The following SNRPN variants were observed in gnomAD, a reference collection of about 807,000 sequenced individuals.
SNRPN encodes small nuclear ribonucleoprotein-associated protein N.
In SNRPN, 7 loss-of-function variants were observed where a neutral mutation model predicts 25.2. The observed-to-expected ratio is 0.28, with a 90% CI of 0.16 to 0.52. The LOEUF is 0.52. SNRPN is among the 20% of genes least tolerant of loss of function. The pLI, the probability that SNRPN is intolerant of heterozygous loss-of-function variation, is 0.96. For missense variants in SNRPN, 196 were observed against 322.5 expected, an observed-to-expected ratio of 0.61 and a Z score of 3.00; for synonymous variants, 124 against 110.6, an observed-to-expected ratio of 1.12 and a Z score of -0.76.
chr15:24,962,707 C>A (rs1246112191), intron 2 of SNRPN, among the ~76,000 whole-genome samples: 1 of 152,098 alleles, frequency 6.6e-6, no homozygotes, highest in African/African-American at 2.4e-5. Flanking sequence ...CAGACACACT[C>A]AGACACATAT....
At chr15:24,881,421 C>G (rs1032377966) in intron 1 of SNRPN, among the ~76,000 whole-genome samples, 1 of 151,156 alleles carries the variant, frequency 6.6e-6, no homozygotes, top group Admixed American at 6.6e-5. Context: ...ATCCCAGCTA[C>G]TTGGGAGGCT....
upstream of SNRPN, chr15:24,851,814 C>G (rs1003752486): frequency 6.6e-6 from 1 of 152,194 alleles, no homozygotes; most frequent in East Asian, 1.9e-4. Flanking sequence ...CCCTCCAGAT[C>G]CAGTACGGGC....
rs373329610 is a variant in SNRPN at position 24,900,638 on chromosome 15, C to A, written c.-505+14049C>A. The stretch of plus-strand genomic sequence containing the variant: ...GCAACCTATTCCTAAGGGATAGGTA[C>A]ACACTATGACCTGTAGGAAACAGCT... On this transcript the variant is annotated intron_variant, in intron 2 of 11. Transcript: ENST00000400097. Among the ~76,000 whole-genome samples the A allele has an allele frequency of 9.9e-5, 15 of 152,262 alleles. No homozygotes were observed. The East Asian group carries it at 1.2e-3, about 12-fold the overall frequency.
chr15:24,896,402 A>G (rs775616010), intron 2 of SNRPN, among the ~76,000 whole-genome samples: 1 of 152,202 alleles, frequency 6.6e-6, no homozygotes, highest in Non-Finnish European at 1.5e-5. Context: ...TAAAGAAATC[A>G]GTTGGCTTTG....
At chr15:24,896,848 A>G (rs2058110212) in intron 2 of SNRPN, among the ~76,000 whole-genome samples, 1 of 152,312 alleles carries the variant, frequency 6.6e-6, no homozygotes, top group African/African-American at 2.4e-5. Flanking sequence ...CCAACAAGCA[A>G]ATGAGCTTAA....
At chr15:24,896,722 A>G (rs1221672875) in intron 2 of SNRPN, among the ~76,000 whole-genome samples, 3 of 152,004 alleles carry the variant, frequency 2.0e-5, no homozygotes, top group African/African-American at 7.3e-5. Flanking sequence ...TAAAAAAAAA[A>G]TGGCTCCTAG....
At chr15:24,903,443 C>T (rs996541414) in intron 2 of SNRPN, among the ~76,000 whole-genome samples, 2 of 152,110 alleles carry the variant, frequency 1.3e-5, no homozygotes, top group African/African-American at 4.8e-5. Context: ...AAAAACAAAA[C>T]ATCCTAAGGG....
intron 2 of SNRPN, chr15:24,851,327 A>G (rs1346798901): frequency 6.6e-6 from 1 of 152,202 alleles, no homozygotes; most frequent in Non-Finnish European, 1.5e-5. Context: ...GTTTTGGGTT[A>G]CAAAACTTTT....
At position 24,894,483 on chromosome 15, in the gene SNRPN, T is replaced by G. The variant is rs539658433; in HGVS notation, c.-505+7894T>G. 1.1e-4 allele frequency among the ~76,000 whole-genome samples: 17 copies of G among 152,268 alleles called. 1 individual carries two copies. Among genetic ancestry groups the G allele is most frequent in the South Asian group, 8.3e-4 (4 of 4,822 alleles). On this transcript the variant is annotated intron_variant, in intron 2 of 11. Transcript: ENST00000400097. The stretch of plus-strand genomic sequence containing the variant: ...ATCCGCCCGCCTCGGCCTCCCAAAG[T>G]GCTGGGATTACAGGCGTGAGCCACC...
intron 2 of SNRPN, among the ~76,000 whole-genome samples, chr15:24,887,993 A>G (rs1343032884): frequency 1.3e-5 from 2 of 152,212 alleles, no homozygotes; most frequent in Non-Finnish European, 2.9e-5. Context: ...TGTAAAAAGT[A>G]TTAATCATTT....
intron 2 of SNRPN, among the ~76,000 whole-genome samples, chr15:24,902,849 A>G (rs1005371112): frequency 6.6e-6 from 1 of 152,214 alleles, no homozygotes; most frequent in African/African-American, 2.4e-5. Flanking sequence ...AGCAAGATTT[A>G]TTGCAAAGAG....
At chr15:24,937,108 G>A (rs1275514796) in intron 3 of SNRPN, among the ~76,000 whole-genome samples, 1 of 151,974 alleles carries the variant, frequency 6.6e-6, no homozygotes, top group African/African-American at 2.4e-5. Context: ...GGGCATGGTG[G>A]TGCGTGCCTC....
chr15:24,856,421 A>T (rs542013636), upstream of SNRPN: 2 of 152,298 alleles, frequency 1.3e-5, no homozygotes, highest in South Asian at 4.2e-4. Context: ...GGGATTTTCT[A>T]CCCACCCAGC....
At chr15:24,861,639 C>T (rs894934653) in intron 1 of SNRPN, among the ~76,000 whole-genome samples, 7 of 152,184 alleles carry the variant, frequency 4.6e-5, no homozygotes, top group African/African-American at 1.7e-4. Flanking sequence ...GCTTTGACAT[C>T]TCTAGGTGAT....
intron 2 of SNRPN, among the ~76,000 whole-genome samples, chr15:24,843,813 AC>A (rs2051927102): frequency 6.6e-6 from 1 of 151,068 alleles, no homozygotes; most frequent in Admixed American, 6.6e-5. Context: ...ACACACACAC[AC>A]ACAGAAAACT....
At chr15:24,975,292 A>G (rs2076939522) in intron 4 of SNRPN, 66 bp from the exon 5 acceptor site, 3 of 1,293,508 alleles carry the variant, frequency 2.3e-6, no homozygotes, top group Non-Finnish European at 3.3e-6. Context: ...TGGAGAAGAA[A>G]CAGGAGAAGA....
intron 1 of SNRPN, among the ~76,000 whole-genome samples, chr15:24,858,364 C>T (rs943347096): frequency 2.0e-5 from 3 of 152,104 alleles, no homozygotes; most frequent in Non-Finnish European, 4.4e-5. Context: ...ATCTCTTTCA[C>T]TGTAATAATT....
In SNRPN at chr15:24,962,094, G is replaced by A. The variant is rs772044025; in HGVS notation, c.-390-20G>A. 6.2e-7 allele frequency: 1 copy of A among 1,600,088 alleles called. No individual in the cohort carries two copies. The highest frequency in any genetic ancestry group is 1.1e-5 in the South Asian group (1 of 90,824). On this transcript the variant is annotated intron_variant, in intron 1 of 9. Coordinates refer to ENST00000390687, the MANE Select transcript of SNRPN (RefSeq NM_003097.6). ...GATTGATGCAGTCTACCAAACAAAT[G>A]CCTCTCTTTTCTGTTTCAGGGATCG...
At chr15:24,930,609 A>AAG in intron 3 of SNRPN, among the ~76,000 whole-genome samples, 1 of 149,732 alleles carries the variant, frequency 6.7e-6, no homozygotes, top group East Asian at 1.9e-4. Context: ...AAAAAAAAAA[A>AAG]GTCTGGGTGC....
Sources: gnomAD v4.1 joint callset for allele counts (sites outside exome capture counted in the v4.1 genomes callset) on GRCh38, gnomAD v4.1.1 for gene constraint, MANE v1.5 for transcripts, NCBI Gene and HGNC (gene_info 2026-07-23, HGNC 2026-07-21) for gene names.